Variants in PTK7 observed in about 807,000 individuals in gnomAD.
The protein encoded by PTK7 is protein tyrosine kinase 7 (inactive), also known as inactive tyrosine-protein kinase 7.
A neutral mutation model predicts 116.6 loss-of-function variants in PTK7; 39 were observed. The ratio of observed to expected loss-of-function variants is 0.33; its 90% CI spans 0.26 to 0.44. The LOEUF (loss-of-function observed/expected upper bound fraction) is 0.44, where lower values mean the gene tolerates loss of function less well. Among genes scored for constraint, PTK7 ranks in the 20% least tolerant of loss-of-function variants. The pLI is 1.00. For synonymous variants in PTK7, 546 were observed against 563.6 expected (o/e 0.97, Z 0.44); for missense variants, 1,169 against 1,425.6 (o/e 0.82, Z 2.90).
chr6:43,159,040 T>C (rs1771680449), intron 18 of PTK7, 72 bp downstream of exon 18: 1 of 1,571,682 alleles, frequency 6.4e-7, no homozygotes, highest in East Asian at 2.3e-5. Flanking sequence ...ACAGATAGTT[T>C]GGGGGGTGTG....
At chr6:43,142,102 C>T in intron 12 of PTK7, 21 bp downstream of exon 12, 1 of 1,612,152 alleles carries the variant, frequency 6.2e-7, no homozygotes, top group Non-Finnish European at 8.5e-7. Context: ...CTCTCTCCCA[C>T]ACCCGTCCCT....
At chr6:43,106,535 C>A (rs1374564580) in intron 1 of PTK7, among the ~76,000 whole-genome samples, 2 of 151,908 alleles carry the variant, frequency 1.3e-5, no homozygotes, top group Admixed American at 1.3e-4. Flanking sequence ...GATCTCTCCA[C>A]CTCGACCTCC....
In PTK7 at chr6:43,129,455, C is replaced by T. The variant is rs568613224; in HGVS notation, c.367+191C>T. On this transcript the variant is annotated intron_variant, in intron 2 of 19. Coordinates refer to ENST00000230419, the MANE Select transcript of PTK7 (RefSeq NM_002821.5). The surrounding 1 kb of genome is among the most constrained non-coding windows in gnomAD (Gnocchi z 4.5). ...AGTTATATTTTTTCCAAAATTTTTT[C>T]CTTCAAGTCTGGGACCCATTTATCT... is the stretch of plus-strand genomic sequence containing the variant. 261 of 908,198 alleles carry T rather than the reference C, an allele frequency of 2.9e-4. 1 individual carries two copies. In the South Asian group the frequency reaches 4.6e-3, roughly 16 times the overall value. 56.3% of individuals were successfully genotyped at this position (908,198 alleles called of 1,614,324 possible).
chr6:43,161,146 G>GTGGGT lies in PTK7; in HGVS notation c.*266_*270dup. On this transcript the variant is annotated 3_prime_UTR_variant, in exon 20 of 20. Transcript: ENST00000230419. ...CACCTCTTCCTCTATCAGGGACAGT[G>GTGGGT]TGGGTGCCACAGGTAACCCCAATTT... 1 of 415,084 alleles carries GTGGGT rather than the reference G, an allele frequency of 2.4e-6. No homozygotes were observed. The highest frequency in any genetic ancestry group is 3.8e-5 in the Admixed American group (1 of 26,296). 25.7% of individuals were successfully genotyped at this position (415,084 alleles called of 1,614,324 possible). A position where few individuals can be genotyped will look rare whatever the true frequency, so the allele number is the denominator to read the frequency against.
chr6:43,126,789 T>C (rs1393903106), intron 1 of PTK7, among the ~76,000 whole-genome samples: 1 of 152,180 alleles, frequency 6.6e-6, no homozygotes, highest in Admixed American at 6.5e-5. Flanking sequence ...TTTGGAAATG[T>C]GTAGGGATGT....
In PTK7 at chr6:43,082,761, A is replaced by G. The variant is rs1766449480; in HGVS notation, c.79+6194A>G. 2.0e-5 allele frequency among the ~76,000 whole-genome samples: 3 copies of G among 152,226 alleles called. No homozygotes were observed. In the South Asian group the frequency reaches 6.2e-4, roughly 32 times the overall value. On this transcript the variant is annotated intron_variant, in intron 1 of 19. Coordinates refer to ENST00000230419, the MANE Select transcript of PTK7 (RefSeq NM_002821.5). Reference sequence around the variant, plus strand: ...ATTTCTCCATTAAATGTGTGACTCTAGGAAGTCTGCAATATTCAGCCTGAT... The same window carrying G: ...ATTTCTCCATTAAATGTGTGACTCTGGGAAGTCTGCAATATTCAGCCTGAT...
intron 1 of PTK7, among the ~76,000 whole-genome samples, chr6:43,114,105 C>G (rs1176809694): frequency 2.0e-5 from 3 of 152,170 alleles, no homozygotes; most frequent in African/African-American, 7.2e-5. Context: ...ACAGGACAGA[C>G]CTGCCAGGGG....
rs1271986888 is a variant in PTK7 at position 43,138,992 on chromosome 6, AAG to A, written c.1362+13_1362+14del. ...GATGCTCATCTCAGAGGTGAGAAAGAAGAGTGTTGCTAGTGGATGGGCGGGGC... is the reference window on the plus strand; with the variant it reads ...GATGCTCATCTCAGAGGTGAGAAAGAAGTGTTGCTAGTGGATGGGCGGGGC... On this transcript the variant is annotated intron_variant, in intron 8 of 19. Coordinates refer to ENST00000230419, the MANE Select transcript of PTK7 (RefSeq NM_002821.5). The A allele has an allele frequency of 5.6e-6, 9 of 1,612,880 alleles. No individual in the cohort carries two copies. Among genetic ancestry groups the A allele is most frequent in the Middle Eastern group, 3.4e-4 (2 of 5,962 alleles).
rs867102085 is a variant in PTK7 at position 43,138,836 on chromosome 6, C to T, written c.1229-13C>T. ...GTGAAGCAGCCTTCACTGTTTCCTT[C>T]CTGTCTGTCTAGCTGTGCCCTCCTG... is the stretch of plus-strand genomic sequence containing the variant. On this transcript the variant is annotated splice_polypyrimidine_tract_variant and intron_variant, in intron 7 of 19. Transcript: ENST00000230419. 2.5e-6 allele frequency: 4 copies of T among 1,597,808 alleles called. No individual in the cohort carries two copies. The Middle Eastern group carries it at 6.7e-4, about 268-fold the overall frequency.
intron 1 of PTK7, among the ~76,000 whole-genome samples, chr6:43,106,773 C>A (rs1732502419): frequency 6.6e-6 from 1 of 150,516 alleles, no homozygotes; most frequent in Admixed American, 6.7e-5. Flanking sequence ...AGGCGTGACA[C>A]CCGGCTAATT....
At chr6:43,092,993 A>T (rs2150380242) in intron 1 of PTK7, among the ~76,000 whole-genome samples, 1 of 152,294 alleles carries the variant, frequency 6.6e-6, no homozygotes, top group Non-Finnish European at 1.5e-5. Flanking sequence ...TAAATAACAA[A>T]TGATGCTTAA....
chr6:43,091,843 G>A (rs1766971226), intron 1 of PTK7, among the ~76,000 whole-genome samples: 2 of 152,006 alleles, frequency 1.3e-5, no homozygotes, highest in Non-Finnish European at 2.9e-5. Flanking sequence ...TCAGATGCTT[G>A]GGTTCAAGTA....
chr6:43,130,432 G>A lies in PTK7; in HGVS notation c.661+12G>A. On this transcript the variant is annotated intron_variant, in intron 4 of 19. Coordinates refer to ENST00000230419, the MANE Select transcript of PTK7 (RefSeq NM_002821.5). ...CTTGAGCATTGCTGGTGAGCCTGGG[G>A]TGGGGGCGGAAGGGATGAGGTGAGC... The A allele has an allele frequency of 1.2e-6, 2 of 1,603,980 alleles. No homozygotes were observed. Among genetic ancestry groups the A allele is most frequent in the Non-Finnish European group, 8.5e-7 (1 of 1,172,154 alleles).
At chr6:43,150,818 C>CTTTTTTTTT (rs1582211151) in intron 17 of PTK7, among the ~76,000 whole-genome samples, 1 of 21,588 alleles carries the variant, frequency 4.6e-5, no homozygotes, top group East Asian at 1.0e-3. Context: ...TTTTTTTTTC[C>CTTTTTTTTT]CGAGACAGAG....
intron 1 of PTK7, among the ~76,000 whole-genome samples, chr6:43,112,160 T>TA (rs1768227562): frequency 6.6e-6 from 1 of 152,182 alleles, no homozygotes; most frequent in Non-Finnish European, 1.5e-5. Flanking sequence ...ACCTTACAGT[T>TA]ACATGTTTTG....
At position 43,139,393 on chromosome 6, in the gene PTK7, T is replaced by C. The variant is rs373421990; in HGVS notation, c.1499-13T>C. The C allele has an allele frequency of 7.4e-6, 12 of 1,614,160 alleles. No individual in the cohort carries two copies. In the African/African-American group the frequency reaches 9.3e-5, roughly 13 times the overall value. Reference sequence around the variant, plus strand: ...CAATTCCTCGTCTTTCTACCCACCCTCTGCTGAAACAGAAAAGCTCAAGTT... The same window carrying C: ...CAATTCCTCGTCTTTCTACCCACCCCCTGCTGAAACAGAAAAGCTCAAGTT... On this transcript the variant is annotated splice_polypyrimidine_tract_variant and intron_variant, in intron 9 of 19. Coordinates refer to ENST00000230419, the MANE Select transcript of PTK7 (RefSeq NM_002821.5). This position sits in a 1 kb window ranked among gnomAD's most constrained non-coding sequence, Gnocchi z 4.6.
chr6:43,131,235 A>G (rs1164173630), intron 5 of PTK7, among the ~76,000 whole-genome samples: 1 of 152,088 alleles, frequency 6.6e-6, no homozygotes, highest in African/African-American at 2.4e-5. Context: ...CTTGGATGCC[A>G]CTTGGCTTCA....
In PTK7 at chr6:43,129,293, C is replaced by T. The variant is rs756404905; in HGVS notation, c.367+29C>T. ...AGAGCCAGGGGGGCTGTGCCCAGTC[C>T]CCCTGTCAGACCCTCAATGACTGAG... is the stretch of plus-strand genomic sequence containing the variant. On this transcript the variant is annotated intron_variant, in intron 2 of 19. Transcript: ENST00000230419. This position sits in a 1 kb window ranked among gnomAD's most constrained non-coding sequence, Gnocchi z 4.5. The T allele has an allele frequency of 1.8e-4, 285 of 1,612,694 alleles. No individual in the cohort carries two copies. The highest frequency in any genetic ancestry group is 2.4e-4 in the Non-Finnish European group (279 of 1,179,368).
chr6:43,150,719 T>TAC (rs973472438), intron 17 of PTK7, among the ~76,000 whole-genome samples: 1 of 150,888 alleles, frequency 6.6e-6, no homozygotes, highest in African/African-American at 2.4e-5. Context: ...CTGGCCCCTT[T>TAC]ACCACCAGTG....
Sources: gnomAD v4.1 joint callset for allele counts (sites outside exome capture counted in the v4.1 genomes callset) on GRCh38, gnomAD v4.1.1 for gene constraint, Gnocchi (gnomAD v3.1) non-coding constraint, MANE v1.5 for transcripts, NCBI Gene and HGNC (gene_info 2026-07-23, HGNC 2026-07-21) for gene names.